NAALADL2: variants seen among roughly 807,000 people sequenced by gnomAD.
NAALADL2 encodes the protein N-acetylated alpha-linked acidic dipeptidase like 2.
A neutral mutation model predicts 87.2 loss-of-function variants in NAALADL2; 76 were observed. The ratio of observed to expected loss-of-function variants is 0.87; its 90% CI spans 0.72 to 1.05. The LOEUF (loss-of-function observed/expected upper bound fraction) is 1.05. Among genes scored for constraint, NAALADL2 ranks in the 50% least tolerant of loss-of-function variants. The pLI, the probability that NAALADL2 is intolerant of heterozygous loss-of-function variation, is 0.00. For missense variants in NAALADL2, 1,089 were observed against 945.8 expected (o/e 1.15, Z -1.99); for synonymous variants, 354 against 331.0 (o/e 1.07, Z -0.75).
intron 2 of NAALADL2, among the ~76,000 whole-genome samples, chr3:175,218,654 A>G (rs1053263944): frequency 6.6e-6 from 1 of 152,112 alleles, no homozygotes; most frequent in Non-Finnish European, 1.5e-5. Context: ...TTAATTTTAA[A>G]TGGAATCATT....
At chr3:175,192,271 T>C (rs907210868) in intron 2 of NAALADL2, among the ~76,000 whole-genome samples, 1 of 152,024 alleles carries the variant, frequency 6.6e-6, no homozygotes, top group Non-Finnish European at 1.5e-5. Flanking sequence ...AAAGCAGTGT[T>C]TTACTATTGA....
intron 2 of NAALADL2, among the ~76,000 whole-genome samples, chr3:175,107,621 T>C (rs1307977030): frequency 6.6e-6 from 1 of 151,858 alleles, no homozygotes; most frequent in Non-Finnish European, 1.5e-5. Flanking sequence ...AATAAACCAA[T>C]GTAAAATGGT....
intron 1 of NAALADL2, among the ~76,000 whole-genome samples, chr3:174,493,912 G>A (rs1261331908): frequency 6.6e-6 from 1 of 152,204 alleles, no homozygotes; most frequent in Non-Finnish European, 1.5e-5. Context: ...GAAAAGTGCT[G>A]TGATAGAGAT....
At position 174,841,922 on chromosome 3, in the gene NAALADL2, C is replaced by T. The variant is rs554314423; in HGVS notation, c.-9+104176C>T. ...AGCATTCCTCTTGAGGGGTTTTTGC[C>T]GAATTTGTTAAACAATTAATCGTTA... On this transcript the variant is annotated intron_variant, in intron 3 of 3. Transcript: ENST00000434257. 4.6e-5 allele frequency among the ~76,000 whole-genome samples: 7 copies of T among 151,866 alleles called. No individual in the cohort carries two copies. The South Asian group carries it at 1.5e-3, about 32-fold the overall frequency.
intron 1 of NAALADL2, among the ~76,000 whole-genome samples, chr3:174,541,972 G>A (rs766414181): frequency 1.3e-5 from 2 of 152,088 alleles, no homozygotes; most frequent in African/African-American, 4.8e-5. Context: ...TAACCCATAG[G>A]CAGTGTGCCC....
At chr3:175,262,753 C>T (rs1266037190) in intron 4 of NAALADL2, among the ~76,000 whole-genome samples, 3 of 151,802 alleles carry the variant, frequency 2.0e-5, no homozygotes, top group Admixed American at 2.0e-4. Context: ...CTGAAGAAAT[C>T]TCTTTAAGTG....
chr3:175,070,172 C>A (rs149806225), intron 1 of NAALADL2, among the ~76,000 whole-genome samples: 16,634 of 150,654 alleles, frequency 0.11, 1,046 homozygotes, highest in East Asian at 0.21. Flanking sequence ...TAATAATAAA[C>A]TAAAATAAAA....
At chr3:174,724,455 C>T (rs1234258659) in intron 2 of NAALADL2, among the ~76,000 whole-genome samples, 3 of 151,984 alleles carry the variant, frequency 2.0e-5, no homozygotes, top group Non-Finnish European at 4.4e-5. Flanking sequence ...ATGGTAATCC[C>T]ATGTTTATAT....
chr3:174,471,205 C>CT (rs577236525), intron 1 of NAALADL2, among the ~76,000 whole-genome samples: 38 of 146,110 alleles, frequency 2.6e-4, no homozygotes, highest in African/African-American at 3.7e-4. Context: ...TAAAACCTTA[C>CT]TTTTTTTTTT....
intron 1 of NAALADL2, among the ~76,000 whole-genome samples, chr3:174,544,551 CCTTTTTTTTTGTTTTCT>C (rs1722548890): frequency 6.8e-6 from 1 of 147,300 alleles, no homozygotes. Context: ...TTCTTTGTTT[CCTTTTTTTTTGTTTTCT>C]TTTTTTTTTT....
At chr3:174,601,962 G>C (rs1345014045) in intron 2 of NAALADL2, among the ~76,000 whole-genome samples, 1 of 152,068 alleles carries the variant, frequency 6.6e-6, no homozygotes, top group Admixed American at 6.6e-5. Context: ...CTGTAGATGT[G>C]TGGATTTATT....
intron 1 of NAALADL2, among the ~76,000 whole-genome samples, chr3:174,464,245 T>C (rs926502018): frequency 1.3e-5 from 2 of 152,158 alleles, no homozygotes; most frequent in African/African-American, 4.8e-5. Flanking sequence ...ATAATACACA[T>C]GAGACTGCAG....
At chr3:175,252,914 T>C (rs1749305461) in intron 3 of NAALADL2, among the ~76,000 whole-genome samples, 1 of 152,154 alleles carries the variant, frequency 6.6e-6, no homozygotes, top group African/African-American at 2.4e-5. Context: ...CTGCGAGATA[T>C]GAGGAAGCTG....
intron 1 of NAALADL2, among the ~76,000 whole-genome samples, chr3:174,462,129 G>A (rs563298666): frequency 3.0e-4 from 46 of 151,896 alleles, no homozygotes; most frequent in South Asian, 2.9e-3. Flanking sequence ...GAAAGAATGA[G>A]AAGATTAGTA....
chr3:175,592,307 CTTTTTTTTTT>C lies in NAALADL2; in HGVS notation c.1800+16128_1800+16137del, dbSNP rs758914649. Among the ~76,000 whole-genome samples the C allele has an allele frequency of 1.2e-4, 5 of 43,250 alleles. No homozygotes were observed. The East Asian group carries it at 6.3e-3, about 55-fold the overall frequency. 28.4% of individuals were successfully genotyped at this position (43,250 alleles called of 152,430 possible). On this transcript the variant is annotated intron_variant, in intron 10 of 13. Coordinates refer to ENST00000454872, the MANE Select transcript of NAALADL2 (RefSeq NM_207015.3). ...TAGTCTATTCTTTTCTTTTTCTTTT[CTTTTTTTTTT>C]TTTTTTTGTCAGCTACTCTATTGCT...
intron 5 of NAALADL2, among the ~76,000 whole-genome samples, chr3:175,389,763 A>C (rs745982253): frequency 1.3e-5 from 2 of 152,210 alleles, no homozygotes; most frequent in Non-Finnish European, 2.9e-5. Context: ...TCCTGGCTCC[A>C]GAAGTCAGGT....
intron 10 of NAALADL2, among the ~76,000 whole-genome samples, chr3:175,613,112 TTAAA>T (rs973715338): frequency 2.6e-5 from 4 of 152,116 alleles, no homozygotes; most frequent in African/African-American, 4.8e-5. Context: ...TGACTGGGTG[TTAAA>T]TAGTTATAGA....
intron 4 of NAALADL2, among the ~76,000 whole-genome samples, chr3:175,265,251 T>C (rs1751729957): frequency 6.6e-6 from 1 of 151,708 alleles, no homozygotes. Context: ...GGTTATGACA[T>C]TGAAATTCTA....
intron 2 of NAALADL2, among the ~76,000 whole-genome samples, chr3:174,694,686 T>C (rs1385513014): frequency 6.6e-6 from 1 of 152,050 alleles, no homozygotes; most frequent in Non-Finnish European, 1.5e-5. Context: ...TGAGCAAACT[T>C]TGAAGAGACT....
Sources: allele counts gnomAD v4.1 joint callset (sites outside exome capture counted in the v4.1 genomes callset), GRCh38; gene constraint gnomAD v4.1.1; transcripts MANE v1.5; gene names NCBI Gene and HGNC (gene_info 2026-07-23, HGNC 2026-07-21).